TECR: variants seen among roughly 807,000 people sequenced by gnomAD.
The protein encoded by TECR is trans-2,3-enoyl-CoA reductase, also known as very-long-chain enoyl-CoA reductase.
Under a neutral mutation model 50.6 loss-of-function variants are expected in TECR, and 19 were observed. The ratio of observed to expected loss-of-function variants is 0.38; its 90% CI spans 0.26 to 0.55. The LOEUF (loss-of-function observed/expected upper bound fraction) is 0.55. Ranked by LOEUF, TECR falls within the 20% of genes least tolerant of loss-of-function variation. TECR has a pLI of 0.79. For synonymous variants in TECR, 168 were observed against 163.5 expected (o/e 1.03, Z -0.21); for missense variants, 313 against 408.3 (o/e 0.77, Z 2.01).
chr19:14,564,591 C>G (rs1010371231), intron 7 of TECR, 195 bp from the exon 8 acceptor site: 14 of 612,078 alleles, frequency 2.3e-5, no homozygotes, highest in Non-Finnish European at 3.7e-5. Flanking sequence ...ACCCCTAGGC[C>G]CCTCCTGTCC....
At position 14,563,479 on chromosome 19, in the gene TECR, T is replaced by C. The variant is rs2073966105; in HGVS notation, c.119-179T>C. 1 of 876,816 alleles carries C rather than the reference T, an allele frequency of 1.1e-6. No individual in the cohort carries two copies. Among genetic ancestry groups the C allele is most frequent in the African/African-American group, 1.7e-5 (1 of 59,744 alleles). 54.3% of individuals were successfully genotyped at this position (876,816 alleles called of 1,614,324 possible). On this transcript the variant is annotated intron_variant, in intron 3 of 12. Transcript: ENST00000215567. The surrounding 1 kb of genome is among the most constrained non-coding windows in gnomAD (Gnocchi z 5.3). ...GACAAGATCCTGCTTCTGCCCGCGC[T>C]CTTCTGGCTTGTGTCCTGAAACCGC... is the stretch of plus-strand genomic sequence containing the variant.
chr19:14,530,543 T>A (rs1437134275), intron 1 of TECR: 1 of 152,222 alleles, frequency 6.6e-6, no homozygotes, highest in Non-Finnish European at 1.5e-5. Flanking sequence ...CTGGTGAGAT[T>A]CTGTTACCTT....
intron 1 of TECR, among the ~76,000 whole-genome samples, chr19:14,540,470 G>A: frequency 6.6e-6 from 1 of 150,926 alleles, no homozygotes; most frequent in Non-Finnish European, 1.5e-5. Flanking sequence ...TTGGCTCTCT[G>A]CAACCTCTGC....
At chr19:14,528,959 AAAAC>A (rs2072505804), upstream of TECR, among the ~76,000 whole-genome samples, 1 of 152,160 alleles carries the variant, frequency 6.6e-6, no homozygotes, top group Non-Finnish European at 1.5e-5. Context: ...ACAAAACAGA[AAAAC>A]AAAGTGGGGC....
At chr19:14,550,397 C>T (rs1194386926) in intron 1 of TECR, among the ~76,000 whole-genome samples, 4 of 152,102 alleles carry the variant, frequency 2.6e-5, no homozygotes, top group South Asian at 2.1e-4. Context: ...CTGCTGGACT[C>T]GGGCAGTCGG....
chr19:14,553,409 A>G (rs1480718155), intron 1 of TECR, among the ~76,000 whole-genome samples: 2 of 151,652 alleles, frequency 1.3e-5, no homozygotes, highest in Non-Finnish European at 2.9e-5. Context: ...CTTCCTCCCC[A>G]CCCTGGGTGA....
intron 1 of TECR, among the ~76,000 whole-genome samples, chr19:14,550,035 C>T (rs1008031559): frequency 2.0e-5 from 3 of 152,004 alleles, no homozygotes; most frequent in South Asian, 2.1e-4. Flanking sequence ...CCATGTCGCA[C>T]GTCACCTTTG....
intron 1 of TECR, among the ~76,000 whole-genome samples, chr19:14,560,082 C>T (rs1268480655): frequency 6.6e-6 from 1 of 152,188 alleles, no homozygotes; most frequent in Non-Finnish European, 1.5e-5. Context: ...CTGGCCTGGG[C>T]ACCACTGCTG....
At chr19:14,550,780 A>T (rs2073472352) in intron 1 of TECR, among the ~76,000 whole-genome samples, 2 of 152,032 alleles carry the variant, frequency 1.3e-5, no homozygotes, top group Admixed American at 1.3e-4. Context: ...TCCTGGGTTC[A>T]TGCGATTCTC....
chr19:14,528,213 C>T (rs1485633289), upstream of TECR, among the ~76,000 whole-genome samples: 1 of 150,392 alleles, frequency 6.6e-6, no homozygotes, highest in Non-Finnish European at 1.5e-5. Context: ...ATTTACAGCA[C>T]ATCTCAATTT....
intron 1 of TECR, among the ~76,000 whole-genome samples, chr19:14,540,765 G>A (rs888669597): frequency 1.3e-5 from 2 of 152,182 alleles, no homozygotes; most frequent in African/African-American, 4.8e-5. Context: ...TTGATCTTAA[G>A]TGATCTGCCG....
intron 1 of TECR, among the ~76,000 whole-genome samples, chr19:14,557,131 T>TTATG (rs1555736143): frequency 1.3e-5 from 2 of 149,972 alleles, no homozygotes; most frequent in African/African-American, 4.9e-5. Context: ...ATTTATTTAT[T>TTATG]TATTTATTTA....
At chr19:14,564,519 T>A (rs1247107338) in intron 7 of TECR, among the ~76,000 whole-genome samples, 11 of 50,192 alleles carry the variant, frequency 2.2e-4, no homozygotes, top group Non-Finnish European at 4.4e-4. Context: ...TCCACCCTAG[T>A]CCCACCCCTA....
At position 14,529,852 on chromosome 19, in the gene TECR, G is replaced by T. The variant is rs2072553776; in HGVS notation, c.15+141G>T. The T allele has an allele frequency of 3.5e-6, 4 of 1,159,152 alleles. No homozygotes were observed. In the Admixed American group the frequency reaches 6.1e-5, roughly 18 times the overall value. 71.8% of individuals were successfully genotyped at this position (1,159,152 alleles called of 1,614,324 possible). On this transcript the variant is annotated intron_variant, in intron 1 of 12. Transcript: ENST00000215567. The stretch of plus-strand genomic sequence containing the variant: ...CGCAGGCGCAGTGGGCAAGCGTTGC[G>T]CCCCGGGCCACTCGTAAATTCCAAT...
At chr19:14,544,093 G>T (rs541236505) in intron 1 of TECR, among the ~76,000 whole-genome samples, 3 of 152,190 alleles carry the variant, frequency 2.0e-5, no homozygotes, top group East Asian at 3.9e-4. Flanking sequence ...ACAGAGGACA[G>T]AGCTGGAGAA....
At chr19:14,562,139 T>TG (rs2073920922) in intron 1 of TECR, 2 of 561,396 alleles carry the variant, frequency 3.6e-6, no homozygotes, top group South Asian at 4.4e-5. Flanking sequence ...GCATGGCTCC[T>TG]GGGGGGCGCA....
At chr19:14,559,525 C>T (rs561667421) in intron 1 of TECR, among the ~76,000 whole-genome samples, 9 of 151,252 alleles carry the variant, frequency 6.0e-5, no homozygotes, top group South Asian at 2.1e-4. Context: ...AGGTGGCTCA[C>T]GCCTATAATC....
intron 1 of TECR, among the ~76,000 whole-genome samples, chr19:14,537,753 T>G (rs1472994728): frequency 6.6e-6 from 1 of 151,308 alleles, no homozygotes; most frequent in African/African-American, 2.4e-5. Context: ...TGTTTTTTTT[T>G]TTTTTTTTTT....
intron 1 of TECR, among the ~76,000 whole-genome samples, chr19:14,540,555 C>G (rs1324408604): frequency 1.3e-5 from 2 of 151,902 alleles, no homozygotes; most frequent in Admixed American, 6.6e-5. Context: ...CCACACCCCA[C>G]TAATTTTTGT....
Sources: gnomAD v4.1 joint callset for allele counts (sites outside exome capture counted in the v4.1 genomes callset) on GRCh38, gnomAD v4.1.1 for gene constraint, Gnocchi (gnomAD v3.1) non-coding constraint, MANE v1.5 for transcripts, NCBI Gene and HGNC (gene_info 2026-07-23, HGNC 2026-07-21) for gene names.